EPB41L4B: variants seen among roughly 807,000 people sequenced by gnomAD.
The protein encoded by EPB41L4B is erythrocyte membrane protein band 4.1 like 4B.
Under a neutral mutation model 112.5 loss-of-function variants are expected in EPB41L4B, and 30 were observed. That is an observed-to-expected ratio of 0.27 (90% CI 0.20 to 0.36). The LOEUF (loss-of-function observed/expected upper bound fraction) is 0.36, where lower values mean the gene tolerates loss of function less well. EPB41L4B is among the 10% of genes least tolerant of loss of function. The pLI is 1.00. For synonymous variants in EPB41L4B, 408 were observed against 439.7 expected (o/e 0.93, Z 0.90); for missense variants, 1,024 against 1,133.3 (o/e 0.90, Z 1.38).
In EPB41L4B at chr9:109,184,770, A is replaced by T. The variant is rs185869202; in HGVS notation, c.2418+719T>A. Among the ~76,000 whole-genome samples, 4 of 152,352 alleles carry T rather than the reference A, an allele frequency of 2.6e-5. No individual in the cohort carries two copies. The East Asian group carries it at 7.7e-4, about 29-fold the overall frequency. Reference sequence around the variant, plus strand: ...ATAGCCTAAGAAAATAAAATTCCTGATGCAAAAAGCTATATGTGTTCTCCC... The same window carrying T: ...ATAGCCTAAGAAAATAAAATTCCTGTTGCAAAAAGCTATATGTGTTCTCCC... On this transcript the variant is annotated intron_variant, in intron 23 of 25. Transcript: ENST00000374566.
intron 1 of EPB41L4B, among the ~76,000 whole-genome samples, chr9:109,288,709 C>CGA (rs936725577): frequency 1.1e-5 from 1 of 93,736 alleles, no homozygotes; most frequent in Non-Finnish European, 1.9e-5. Context: ...GGTGACAGAG[C>CGA]GAGACTCCGT....
intron 23 of EPB41L4B, among the ~76,000 whole-genome samples, chr9:109,184,883 A>G (rs1832199691): frequency 1.3e-5 from 2 of 152,266 alleles, no homozygotes; most frequent in African/African-American, 4.8e-5. Context: ...ATGAAATACA[A>G]ATAGTCATAT....
intron 15 of EPB41L4B, among the ~76,000 whole-genome samples, chr9:109,233,867 T>C (rs1277722752): frequency 1.3e-5 from 2 of 152,144 alleles, no homozygotes; most frequent in South Asian, 2.1e-4. Flanking sequence ...CTGGTAAATA[T>C]CAACTCATTC....
intron 16 of EPB41L4B, among the ~76,000 whole-genome samples, chr9:109,216,571 G>T (rs866243924): frequency 6.6e-6 from 1 of 151,354 alleles, no homozygotes; most frequent in African/African-American, 2.4e-5. Context: ...GACCTGGGAG[G>T]GGGAGGGTGC....
rs553634827 is a variant in EPB41L4B at position 109,288,883 on chromosome 9, A to C, written c.307-8962T>G. ...CACTGCACTCTAGCCTGGATAACACAGCAAGACCTTGTCAAAAAAAAGGAA... is the reference window on the plus strand; with the variant it reads ...CACTGCACTCTAGCCTGGATAACACCGCAAGACCTTGTCAAAAAAAAGGAA... On this transcript the variant is annotated intron_variant, in intron 1 of 25. Coordinates refer to ENST00000374566, the MANE Select transcript of EPB41L4B (RefSeq NM_019114.5). Among the ~76,000 whole-genome samples, 5 of 151,114 alleles carry C rather than the reference A, an allele frequency of 3.3e-5. No individual in the cohort carries two copies. In the East Asian group the frequency reaches 7.8e-4, roughly 23 times the overall value.
intron 1 of EPB41L4B, among the ~76,000 whole-genome samples, chr9:109,287,567 T>A (rs1836339364): frequency 6.6e-6 from 1 of 152,222 alleles, no homozygotes; most frequent in South Asian, 2.1e-4. Flanking sequence ...GTCAAAGTGA[T>A]CTCAGGAACC....
At chr9:109,247,172 A>G (rs1287626379) in intron 14 of EPB41L4B, among the ~76,000 whole-genome samples, 2 of 139,900 alleles carry the variant, frequency 1.4e-5, no homozygotes, top group African/African-American at 5.4e-5. Flanking sequence ...GCTCAAGACT[A>G]GTTTTTTTTT....
chr9:109,183,518 T>A (rs923542938), intron 23 of EPB41L4B, among the ~76,000 whole-genome samples: 20 of 152,200 alleles, frequency 1.3e-4, no homozygotes, highest in African/African-American at 4.6e-4. Context: ...AAAAAGACTC[T>A]TGACTTCCAT....
intron 16 of EPB41L4B, among the ~76,000 whole-genome samples, chr9:109,214,469 T>C (rs1833293709): frequency 6.6e-6 from 1 of 152,152 alleles, no homozygotes; most frequent in South Asian, 2.1e-4. Flanking sequence ...GACGGACACA[T>C]GTGGAGATAT....
intron 1 of EPB41L4B, chr9:109,300,099 T>C (rs1454470725): frequency 2.0e-5 from 3 of 152,298 alleles, no homozygotes; most frequent in African/African-American, 7.2e-5. Flanking sequence ...GGAGGGTCTG[T>C]TCCCAGATGA....
intron 2 of EPB41L4B, among the ~76,000 whole-genome samples, 181 bp from the exon 3 acceptor site, chr9:109,268,614 G>A (rs1157111133): frequency 6.6e-6 from 1 of 152,210 alleles, no homozygotes; most frequent in Non-Finnish European, 1.5e-5. Flanking sequence ...AAAATTCAAC[G>A]TTGGCCGGGC....
At chr9:109,262,081 T>C (rs1403371064) in intron 6 of EPB41L4B, among the ~76,000 whole-genome samples, 1 of 152,202 alleles carries the variant, frequency 6.6e-6, no homozygotes, top group Non-Finnish European at 1.5e-5. Context: ...CATCCGAAAC[T>C]ACACACCACC....
rs566533594 is a variant in EPB41L4B, at chr9:109,250,692, C to T, written c.1310+789G>A. 9.9e-5 allele frequency among the ~76,000 whole-genome samples: 15 copies of T among 152,266 alleles called. No individual in the cohort carries two copies. In the South Asian group the frequency reaches 2.3e-3, roughly 23 times the overall value. ...CACCCTGAGAGACTGATTCAATGCG[C>T]CTGGGGTGTGGCTGCGGAGGATGTT... On this transcript the variant is annotated intron_variant, in intron 13 of 25. Coordinates refer to ENST00000374566, the MANE Select transcript of EPB41L4B (RefSeq NM_019114.5).
chr9:109,179,750 T>C (rs1385874560), intron 24 of EPB41L4B, among the ~76,000 whole-genome samples: 1 of 152,186 alleles, frequency 6.6e-6, no homozygotes, highest in Non-Finnish European at 1.5e-5. Context: ...CATCTAATCC[T>C]GAATCTTACC....
intron 1 of EPB41L4B, chr9:109,307,363 G>C: frequency 8.0e-6 from 3 of 375,358 alleles, no homozygotes; most frequent in South Asian, 6.3e-5. Context: ...AAATACCTCC[G>C]ACCTTAAATT....
chr9:109,189,606 T>C (rs1832389709), intron 22 of EPB41L4B, among the ~76,000 whole-genome samples: 1 of 152,154 alleles, frequency 6.6e-6, no homozygotes, highest in Non-Finnish European at 1.5e-5. Context: ...GTGAAAGGCT[T>C]ATGCTAGTTC....
chr9:109,292,281 T>C (rs1836563704), intron 1 of EPB41L4B, among the ~76,000 whole-genome samples: 1 of 152,180 alleles, frequency 6.6e-6, no homozygotes, highest in African/African-American at 2.4e-5. Context: ...AGACTTGGTT[T>C]CACCCATCAC....
Position 109,172,787 on chromosome 9 carries a change from G to C in EPB41L4B, c.*1767C>G, listed in dbSNP as rs1052813265. 6.6e-6 allele frequency: 1 copy of C among 152,506 alleles called. No individual in the cohort carries two copies. The highest frequency in any genetic ancestry group is 2.4e-5 in the African/African-American group (1 of 41,406). 9.4% of individuals were successfully genotyped at this position (152,506 alleles called of 1,614,324 possible). On this transcript the variant is annotated 3_prime_UTR_variant, in exon 26 of 26. Coordinates refer to ENST00000374566, the MANE Select transcript of EPB41L4B (RefSeq NM_019114.5). ...TTCAGCACTTAAAGGGTTAATCCTCGGTTATCTGAATATTCACATACATTC... is the reference window on the plus strand; with the variant it reads ...TTCAGCACTTAAAGGGTTAATCCTCCGTTATCTGAATATTCACATACATTC...
chr9:109,225,794 T>C (rs752957197), intron 15 of EPB41L4B, among the ~76,000 whole-genome samples: 7 of 152,164 alleles, frequency 4.6e-5, no homozygotes, highest in African/African-American at 7.2e-5. Flanking sequence ...TGAAGGATGA[T>C]GGCAGTGGCT....
Sources: gnomAD v4.1 joint callset for allele counts (sites outside exome capture counted in the v4.1 genomes callset) on GRCh38, gnomAD v4.1.1 for gene constraint, MANE v1.5 for transcripts, NCBI Gene and HGNC (gene_info 2026-07-23, HGNC 2026-07-21) for gene names.